SLC1A2: variants seen among roughly 807,000 people sequenced by gnomAD.
SLC1A2 encodes solute carrier family 1 member 2, also known as excitatory amino acid transporter 2.
SLC1A2 carries 15 observed loss-of-function variants against 48.8 expected under a neutral mutation model. The observed-to-expected ratio is 0.31, with a 90% CI of 0.21 to 0.47. The LOEUF (loss-of-function observed/expected upper bound fraction) is 0.47, where lower values mean the gene tolerates loss of function less well. SLC1A2 is among the 20% of genes least tolerant of loss of function. The pLI is 0.99. For missense variants in SLC1A2, 502 were observed against 730.5 expected (o/e 0.69, Z 3.61); for synonymous variants, 279 against 272.6 (o/e 1.02, Z -0.23).
intron 1 of SLC1A2, among the ~76,000 whole-genome samples, chr11:35,367,013 G>C (rs1853872811): frequency 6.6e-6 from 1 of 152,200 alleles, no homozygotes; most frequent in Non-Finnish European, 1.5e-5. Flanking sequence ...TCACTCCTGG[G>C]AGGACCTTCC....
rs148056551 is a variant in SLC1A2, at chr11:35,357,240, G to A, written c.18-39724C>T. On this transcript the variant is annotated intron_variant, in intron 1 of 10. Transcript: ENST00000278379. ...CCACTGCACTCCAGCCTGGGCAACT[G>A]AGCGAGACTCTATATCAAAAAAAAA... is the stretch of plus-strand genomic sequence containing the variant. 6.4e-3 allele frequency among the ~76,000 whole-genome samples: 955 copies of A among 148,258 alleles called. 13 individuals are homozygous for A. The highest frequency in any genetic ancestry group is 0.023 in the African/African-American group (915 of 40,008).
At chr11:35,353,089 A>C (rs1236024635) in intron 1 of SLC1A2, among the ~76,000 whole-genome samples, 1 of 152,138 alleles carries the variant, frequency 6.6e-6, no homozygotes, top group Non-Finnish European at 1.5e-5. Flanking sequence ...TGCATATTAT[A>C]GTCAATATCA....
chr11:35,289,458 ATGAAATACAGAGT>A (rs1306494083), intron 7 of SLC1A2, among the ~76,000 whole-genome samples: 1 of 151,830 alleles, frequency 6.6e-6, no homozygotes, highest in Non-Finnish European at 1.5e-5. Context: ...TTTTTTTCAA[ATGAAATACAGAGT>A]TAGGGGAAGA....
At position 35,258,510 on chromosome 11, in the gene SLC1A2, C is replaced by T. The variant is rs1043724363; in HGVS notation, c.*2384G>A. ...GCTGGCCTTCCATAGCAAAAAACAA[C>T]AAGCTCCTAGACGCTTTGCCTATAG... On this transcript the variant is annotated 3_prime_UTR_variant, in exon 11 of 11. Coordinates refer to ENST00000278379, the MANE Select transcript of SLC1A2 (RefSeq NM_004171.4). The T allele has an allele frequency of 3.3e-5, 5 of 151,896 alleles. No individual in the cohort carries two copies. Among genetic ancestry groups the T allele is most frequent in the African/African-American group, 1.2e-4 (5 of 40,746 alleles). The allele number at this position is 151,896 out of a possible 1,614,324, so 9.4% of individuals were successfully genotyped here. A position where few individuals can be genotyped will look rare whatever the true frequency, so the allele number is the denominator to read the frequency against.
intron 3 of SLC1A2, among the ~76,000 whole-genome samples, chr11:35,314,292 G>A (rs1851796536): frequency 6.6e-6 from 1 of 152,210 alleles, no homozygotes; most frequent in Middle Eastern, 3.4e-3. Flanking sequence ...TTCATACCTA[G>A]CATTTCATTT....
intron 9 of SLC1A2, among the ~76,000 whole-genome samples, chr11:35,274,052 G>T (rs1333007833): frequency 6.6e-6 from 1 of 152,096 alleles, no homozygotes; most frequent in African/African-American, 2.4e-5. Flanking sequence ...CCCAGGGGTG[G>T]GGAATACTAA....
At chr11:35,319,625 A>C (rs1195858363) in intron 1 of SLC1A2, among the ~76,000 whole-genome samples, 1 of 152,224 alleles carries the variant, frequency 6.6e-6, no homozygotes, top group Non-Finnish European at 1.5e-5. Flanking sequence ...AGGCATCAAA[A>C]CAGCCATGTC....
At chr11:35,312,753 T>C (rs956231530) in intron 3 of SLC1A2, among the ~76,000 whole-genome samples, 1 of 152,284 alleles carries the variant, frequency 6.6e-6, no homozygotes, top group Non-Finnish European at 1.5e-5. Context: ...ACAATGTAAA[T>C]GCTATGTACA....
chr11:35,321,226 G>T (rs1012837782), intron 1 of SLC1A2, among the ~76,000 whole-genome samples: 2 of 152,110 alleles, frequency 1.3e-5, no homozygotes, highest in Non-Finnish European at 2.9e-5. Flanking sequence ...CTCCCACGGG[G>T]TCCCTTCCAC....
intron 1 of SLC1A2, among the ~76,000 whole-genome samples, chr11:35,350,021 T>C (rs1853188117): frequency 6.6e-6 from 1 of 152,152 alleles, no homozygotes; most frequent in South Asian, 2.1e-4. Flanking sequence ...TCTTCATGTC[T>C]CTGAGCCTCA....
chr11:35,332,292 C>T (rs575475414), intron 1 of SLC1A2, among the ~76,000 whole-genome samples: 1 of 152,290 alleles, frequency 6.6e-6, no homozygotes, highest in South Asian at 2.1e-4. Context: ...ACCGGGTCAT[C>T]AACACCACTT....
At chr11:35,303,029 C>T (rs184458425) in intron 5 of SLC1A2, among the ~76,000 whole-genome samples, 18 of 151,842 alleles carry the variant, frequency 1.2e-4, no homozygotes, top group Admixed American at 5.3e-4. Context: ...TCCTCCTCTT[C>T]TCCACACCTA....
At chr11:35,266,044 G>A (rs966174561) in intron 9 of SLC1A2, among the ~76,000 whole-genome samples, 4 of 152,174 alleles carry the variant, frequency 2.6e-5, no homozygotes, top group Non-Finnish European at 5.9e-5. Context: ...ATAACCAGTA[G>A]CAAAGGAAAA....
At chr11:35,333,827 A>ATTTTTTTTTTTTT (rs373988431) in intron 1 of SLC1A2, among the ~76,000 whole-genome samples, 15 of 126,168 alleles carry the variant, frequency 1.2e-4, no homozygotes, top group Admixed American at 1.6e-4. Flanking sequence ...ATGCCAGCTA[A>ATTTTTTTTTTTTT]TTTTTTTTTT....
At position 35,260,893 on chromosome 11, in the gene SLC1A2, C is replaced by A. The variant is rs763165235; in HGVS notation, c.*1G>T. 1 of 1,608,776 alleles carries A rather than the reference C, an allele frequency of 6.2e-7. No homozygotes were observed. On this transcript the variant is annotated 3_prime_UTR_variant, in exon 11 of 11. Coordinates refer to ENST00000278379, the MANE Select transcript of SLC1A2 (RefSeq NM_004171.4). ...TCAAGAATTTGCTGAGACTCATATC[C>A]TTATTTCTCACGTTTCCAAGGTTCT...
intron 1 of SLC1A2, among the ~76,000 whole-genome samples, chr11:35,395,013 G>A (rs1278222513): frequency 4.6e-5 from 7 of 152,132 alleles, no homozygotes; most frequent in Non-Finnish European, 8.8e-5. Context: ...CGAGGAGAGC[G>A]TCTTCCCCAC....
intron 1 of SLC1A2, among the ~76,000 whole-genome samples, chr11:35,382,503 A>AT (rs1300331057): frequency 6.6e-6 from 1 of 152,240 alleles, no homozygotes; most frequent in East Asian, 1.9e-4. Context: ...AAGTTTTAAC[A>AT]TTCCTCCTAA....
chr11:35,414,525 G>A (rs549242624), intron 1 of SLC1A2, among the ~76,000 whole-genome samples: 4 of 152,258 alleles, frequency 2.6e-5, no homozygotes, highest in South Asian at 2.1e-4. Flanking sequence ...GGAGAGTTGC[G>A]GGGTGAGGGG....
At chr11:35,361,581 G>C (rs975929772) in intron 1 of SLC1A2, among the ~76,000 whole-genome samples, 1 of 152,094 alleles carries the variant, frequency 6.6e-6, no homozygotes. Context: ...CCCATATCAT[G>C]GCAATCCTTT....
Sources: allele counts gnomAD v4.1 joint callset (sites outside exome capture counted in the v4.1 genomes callset), GRCh38; gene constraint gnomAD v4.1.1; transcripts MANE v1.5; gene names NCBI Gene and HGNC (gene_info 2026-07-23, HGNC 2026-07-21).